Variants in GPC3 observed in about 807,000 individuals in gnomAD.
The protein encoded by GPC3 is glypican-3.
GPC3 carries 3 observed loss-of-function variants against 34.4 expected under a neutral mutation model. The observed-to-expected ratio is 0.09, with a 90% CI of 0.04 to 0.23. The LOEUF (loss-of-function observed/expected upper bound fraction) is 0.23. Ranked by LOEUF, GPC3 falls within the 10% of genes least tolerant of loss-of-function variation. The pLI is 1.00. For synonymous variants in GPC3, 177 were observed against 174.0 expected, an observed-to-expected ratio of 1.02 and a Z score of -0.13; for missense variants, 351 against 445.6, an observed-to-expected ratio of 0.79 and a Z score of 1.91.
intron 4 of GPC3, among the ~76,000 whole-genome samples, chrX:133,693,419 A>T (rs1285092649): frequency 1.8e-5 from 2 of 111,865 alleles, no homozygotes; most frequent in African/African-American, 6.5e-5. Context: ...TACAGTGGTA[A>T]ATAAACAAAA....
At chrX:133,823,319 A>G (rs987039778) in intron 2 of GPC3, among the ~76,000 whole-genome samples, 2 of 109,839 alleles carry the variant, frequency 1.8e-5, no homozygotes, top group South Asian at 7.8e-4. Flanking sequence ...ATCCAGTGAA[A>G]TATCTTTCAG....
chrX:133,890,270 T>C (rs2076080836), intron 2 of GPC3, among the ~76,000 whole-genome samples: 1 of 111,595 alleles, frequency 9.0e-6, no homozygotes, highest in South Asian at 3.8e-4. Context: ...CTGGAGACTG[T>C]GGTTATTTCT....
At chrX:133,600,415 A>C (rs2069968474) in intron 6 of GPC3, among the ~76,000 whole-genome samples, 2 of 111,888 alleles carry the variant, frequency 1.8e-5, no homozygotes, top group Non-Finnish European at 3.8e-5. Flanking sequence ...AGCTCAGTTT[A>C]AAACAAAGTG....
chrX:133,574,192 G>A (rs1228461494), intron 7 of GPC3, among the ~76,000 whole-genome samples: 2 of 111,376 alleles, frequency 1.8e-5, no homozygotes, highest in African/African-American at 6.5e-5. Context: ...TGGTGGCTGA[G>A]GGGTAAAAGG....
intron 6 of GPC3, among the ~76,000 whole-genome samples, chrX:133,632,471 G>A (rs754482271): frequency 5.4e-5 from 6 of 111,173 alleles, no homozygotes; most frequent in Non-Finnish European, 7.5e-5. Flanking sequence ...GTAGGATTAG[G>A]GGTAGATTAA....
intron 2 of GPC3, among the ~76,000 whole-genome samples, chrX:133,806,629 G>A (rs1307782463): frequency 9.1e-6 from 1 of 109,387 alleles, no homozygotes; most frequent in South Asian, 3.8e-4. Flanking sequence ...TTATTTATTT[G>A]TTTTATTTTA....
chrX:133,645,394 T>C (rs2070531876), intron 6 of GPC3, among the ~76,000 whole-genome samples: 1 of 111,755 alleles, frequency 8.9e-6, no homozygotes, highest in African/African-American at 3.3e-5. Flanking sequence ...CTCTTCCTTG[T>C]TGGACCCTCT....
At chrX:133,795,943 CTTT>C (rs753300332) in intron 2 of GPC3, among the ~76,000 whole-genome samples, 9 of 84,937 alleles carry the variant, frequency 1.1e-4, no homozygotes, top group Admixed American at 2.6e-4. Flanking sequence ...TTTCTTTTTC[CTTT>C]TTTTTTTTTT....
chrX:133,637,376 C>T (rs2070438603), intron 6 of GPC3, among the ~76,000 whole-genome samples: 1 of 108,657 alleles, frequency 9.2e-6, no homozygotes, highest in Admixed American at 9.9e-5. Flanking sequence ...AAGATCGTGC[C>T]ACTGCACTCC....
At chrX:133,831,020 TA>T (rs1479205235) in intron 2 of GPC3, among the ~76,000 whole-genome samples, 1 of 111,707 alleles carries the variant, frequency 9.0e-6, no homozygotes, top group Non-Finnish European at 1.9e-5. Context: ...AAGATTACTG[TA>T]TAATTCCATT....
At chrX:133,635,040 C>T (rs1006601200) in intron 6 of GPC3, among the ~76,000 whole-genome samples, 9 of 110,811 alleles carry the variant, frequency 8.1e-5, no homozygotes, top group Non-Finnish European at 1.7e-4. Flanking sequence ...ATCATGCCGT[C>T]GGCCAGGAAA....
intron 2 of GPC3, among the ~76,000 whole-genome samples, chrX:133,918,398 G>C (rs1343905841): frequency 8.9e-6 from 1 of 112,337 alleles, no homozygotes; most frequent in African/African-American, 3.2e-5. Context: ...AGTTTAATTG[G>C]TTTAGCAAGA....
At chrX:133,843,066 A>G (rs1241336114) in intron 2 of GPC3, among the ~76,000 whole-genome samples, 1 of 111,954 alleles carries the variant, frequency 8.9e-6, no homozygotes, top group Non-Finnish European at 1.9e-5. Context: ...ACTGAGTCTC[A>G]TCACCTACAG....
chrX:133,856,514 AT>A (rs1454736501), intron 2 of GPC3, among the ~76,000 whole-genome samples: 3 of 110,570 alleles, frequency 2.7e-5, no homozygotes, highest in African/African-American at 1.0e-4. Context: ...ATTACAGGTG[AT>A]TTTACTGCTC....
chrX:133,953,370 T>C (rs1319323964), intron 1 of GPC3, among the ~76,000 whole-genome samples, 159 bp from the exon 2 acceptor site: 1 of 107,920 alleles, frequency 9.3e-6, no homozygotes, highest in Admixed American at 1.0e-4. Flanking sequence ...TTATTCAAAA[T>C]TACGTTTCAT....
intron 7 of GPC3, among the ~76,000 whole-genome samples, chrX:133,585,307 T>C (rs933621578): frequency 9.0e-6 from 1 of 111,434 alleles, no homozygotes; most frequent in African/African-American, 3.3e-5. Context: ...AAGTCAACAA[T>C]TGGAGGGCAT....
At chrX:133,899,333 C>T (rs1299202480) in intron 2 of GPC3, among the ~76,000 whole-genome samples, 2 of 111,357 alleles carry the variant, frequency 1.8e-5, no homozygotes, top group African/African-American at 3.3e-5. Flanking sequence ...CAGAGCCCTG[C>T]TTCTCTGAGG....
At chrX:133,929,327 C>CT (rs1057402017) in intron 2 of GPC3, among the ~76,000 whole-genome samples, 3 of 111,895 alleles carry the variant, frequency 2.7e-5, no homozygotes, top group East Asian at 5.6e-4. Flanking sequence ...TTGTTTCTTT[C>CT]TTTTTGTTTT....
chrX:133,876,644 G>A (rs1354405588), intron 2 of GPC3, among the ~76,000 whole-genome samples: 1 of 112,157 alleles, frequency 8.9e-6, no homozygotes, highest in African/African-American at 3.2e-5. Flanking sequence ...AGGCCAAGAT[G>A]CCCAGTTATT....
Sources: allele counts gnomAD v4.1 joint callset (sites outside exome capture counted in the v4.1 genomes callset), GRCh38; gene constraint gnomAD v4.1.1; transcripts MANE v1.5; gene names NCBI Gene and HGNC (gene_info 2026-07-23, HGNC 2026-07-21).